The following PCBP3 variants were observed in gnomAD, a reference collection of about 807,000 sequenced individuals.
PCBP3 encodes poly(rC) binding protein 3.
In PCBP3, 25 loss-of-function variants were observed where a neutral mutation model predicts 52.7. The ratio of observed to expected loss-of-function variants is 0.47; its 90% confidence interval spans 0.35 to 0.66. PCBP3 has a LOEUF of 0.66. PCBP3 is among the 30% of genes least tolerant of loss of function. The pLI, the probability that PCBP3 is intolerant of heterozygous loss-of-function variation, is 0.01. For missense variants in PCBP3, 391 were observed against 490.3 expected (o/e 0.80, Z 1.91); for synonymous variants, 162 against 183.0 (o/e 0.89, Z 0.93).
chr21:45,912,089 G>A (rs555841843), intron 11 of PCBP3, among the ~76,000 whole-genome samples: 11 of 152,306 alleles, frequency 7.2e-5, no homozygotes, highest in South Asian at 4.1e-4. Flanking sequence ...TCTCGTCAGC[G>A]TCACCCAGTG....
chr21:45,806,670 T>C (rs2092513642), intron 4 of PCBP3, among the ~76,000 whole-genome samples: 2 of 152,000 alleles, frequency 1.3e-5, no homozygotes, highest in African/African-American at 2.4e-5. Flanking sequence ...AGCCAGGGCC[T>C]CTCTAGTGAA....
At chr21:45,932,373 C>G (rs530153377) in intron 15 of PCBP3, among the ~76,000 whole-genome samples, 14 of 152,160 alleles carry the variant, frequency 9.2e-5, no homozygotes, top group Non-Finnish European at 1.5e-5. Flanking sequence ...CTGGTCCATG[C>G]CATCCTGAGA....
chr21:45,917,708 A>G lies in PCBP3; in HGVS notation c.717+79A>G. On this transcript the variant is annotated intron_variant, in intron 13 of 17. Coordinates refer to ENST00000681687, the MANE Select transcript of PCBP3 (RefSeq NM_001384156.1). This position sits in a 1 kb window ranked among gnomAD's most constrained non-coding sequence, Gnocchi z 5.3. The stretch of plus-strand genomic sequence containing the variant: ...TACCTGCATGCTGCTGTTAATTGCT[A>G]CTAACATTAATATTACACAATAATA... 9.3e-7 allele frequency: 1 copy of G among 1,071,764 alleles called. No homozygotes were observed. Among genetic ancestry groups the G allele is most frequent in the South Asian group, 1.2e-5 (1 of 80,368 alleles). The allele number at this position is 1,071,764 out of a possible 1,614,324, so 66.4% of individuals were successfully genotyped here. A position where few individuals can be genotyped will look rare whatever the true frequency, so the allele number is the denominator to read the frequency against.
intron 5 of PCBP3, among the ~76,000 whole-genome samples, chr21:45,873,673 G>A (rs767242201): frequency 3.3e-5 from 5 of 152,206 alleles, no homozygotes; most frequent in African/African-American, 9.6e-5. Flanking sequence ...AGGGGACCAC[G>A]CGCTGGGTAC....
chr21:45,740,008 C>A (rs566059462), intron 3 of PCBP3, among the ~76,000 whole-genome samples: 1 of 152,232 alleles, frequency 6.6e-6, no homozygotes, highest in African/African-American at 2.4e-5. Context: ...AGCAGCACCC[C>A]CTTGAAGAAT....
At chr21:45,818,004 A>G (rs1380503231) in intron 4 of PCBP3, among the ~76,000 whole-genome samples, 6 of 152,124 alleles carry the variant, frequency 3.9e-5, no homozygotes, top group African/African-American at 9.7e-5. Flanking sequence ...GGTACAGTCA[A>G]TGAACCAATA....
chr21:45,771,231 A>G (rs2089838937), intron 4 of PCBP3, among the ~76,000 whole-genome samples: 1 of 152,216 alleles, frequency 6.6e-6, no homozygotes, highest in Non-Finnish European at 1.5e-5. Flanking sequence ...GTTTATGTCC[A>G]GTAGATTATG....
intron 1 of PCBP3, among the ~76,000 whole-genome samples, chr21:45,666,041 T>A (rs2080772275): frequency 6.6e-6 from 1 of 152,202 alleles, no homozygotes. Flanking sequence ...TCTCAATAGA[T>A]GCAGAAAAAG....
At chr21:45,888,717 A>G (rs2095581435) in intron 5 of PCBP3, among the ~76,000 whole-genome samples, 1 of 152,280 alleles carries the variant, frequency 6.6e-6, no homozygotes, top group East Asian at 1.9e-4. Flanking sequence ...GCTGAAATGA[A>G]TAAACATGTT....
Position 45,701,467 on chromosome 21 carries a change from T to C in PCBP3, c.-200+32515T>C, listed in dbSNP as rs142752222. ...TATTGATAGTTACATTACTTGAAAT[T>C]AACACAGATATTTTAAAATTATTCA... On this transcript the variant is annotated intron_variant, in intron 2 of 17. Coordinates refer to ENST00000681687, the MANE Select transcript of PCBP3 (RefSeq NM_001384156.1). Among the ~76,000 whole-genome samples the C allele has an allele frequency of 5.8e-3, 883 of 152,352 alleles. 9 individuals are homozygous for C. Among genetic ancestry groups the C allele is most frequent in the African/African-American group, 0.02 (852 of 41,580 alleles).
chr21:45,736,970 G>T lies in PCBP3; in HGVS notation c.-162+1541G>T, dbSNP rs1352762172. ...CAGCCCTGAGACACGGGGCATCTGCGCGAGTCTTGCTGGAGGTGCACGTGT... is the reference window on the plus strand; with the variant it reads ...CAGCCCTGAGACACGGGGCATCTGCTCGAGTCTTGCTGGAGGTGCACGTGT... On this transcript the variant is annotated intron_variant, in intron 3 of 17. Coordinates refer to ENST00000681687, the MANE Select transcript of PCBP3 (RefSeq NM_001384156.1). The surrounding 1 kb of genome is among the most constrained non-coding windows in gnomAD (Gnocchi z 4.6). Among the ~76,000 whole-genome samples the T allele has an allele frequency of 6.6e-6, 1 of 152,076 alleles. No individual in the cohort carries two copies. The highest frequency in any genetic ancestry group is 1.5e-5 in the Non-Finnish European group (1 of 68,010).
intron 11 of PCBP3, among the ~76,000 whole-genome samples, chr21:45,913,709 C>T (rs540019694): frequency 3.3e-5 from 5 of 152,322 alleles, no homozygotes; most frequent in African/African-American, 1.2e-4. Context: ...TGGCAAACTG[C>T]AGCCCAGGGC....
intron 4 of PCBP3, among the ~76,000 whole-genome samples, chr21:45,841,858 G>A (rs2093706142): frequency 6.6e-6 from 1 of 152,192 alleles, no homozygotes; most frequent in African/African-American, 2.4e-5. Context: ...GGACACTTCT[G>A]TCTCTAGAAA....
chr21:45,664,010 CTTTTTTTTTCTTTT>C (rs2080599097), intron 1 of PCBP3, among the ~76,000 whole-genome samples: 1 of 41,074 alleles, frequency 2.4e-5, no homozygotes, highest in African/African-American at 6.5e-5. Flanking sequence ...GGATGTTTTT[CTTTTTTTTTCTTTT>C]TTTTTTTTTA....
chr21:45,760,557 T>G (rs187630888), intron 4 of PCBP3: 2 of 152,272 alleles, frequency 1.3e-5, no homozygotes, highest in East Asian at 3.9e-4. Context: ...ATTAAAGAGT[T>G]TTAAGGTCCT....
intron 4 of PCBP3, among the ~76,000 whole-genome samples, chr21:45,769,509 T>C (rs1328257831): frequency 2.6e-5 from 4 of 152,260 alleles, no homozygotes; most frequent in South Asian, 2.1e-4. Context: ...GGGCGGCCCC[T>C]ACTGTGCTTT....
At chr21:45,793,968 A>G (rs1376280185) in intron 4 of PCBP3, among the ~76,000 whole-genome samples, 4 of 152,242 alleles carry the variant, frequency 2.6e-5, no homozygotes, top group Non-Finnish European at 5.9e-5. Context: ...TTTTGATTCC[A>G]CAAATAATGG....
At position 45,704,921 on chromosome 21, in the gene PCBP3, C is replaced by CCGA. The variant is rs2083354881; in HGVS notation, c.-199-30471_-199-30470insCGA. ...TGGAGATAACCAAATACCAGCTTCCCTTTGGTCTCTGGAGCCTGGTTTCTA... is the reference window on the plus strand; with the variant it reads ...TGGAGATAACCAAATACCAGCTTCCCCGATTTGGTCTCTGGAGCCTGGTTTCTA... On this transcript the variant is annotated intron_variant, in intron 2 of 17. Transcript: ENST00000681687. This position sits in a 1 kb window ranked among gnomAD's most constrained non-coding sequence, Gnocchi z 4.1. Among the ~76,000 whole-genome samples, 2 of 152,104 alleles carry CCGA rather than the reference C, an allele frequency of 1.3e-5. No homozygotes were observed. Among genetic ancestry groups the CCGA allele is most frequent in the African/African-American group, 2.4e-5 (1 of 41,374 alleles).
rs2149338492 is a variant in PCBP3, at chr21:45,917,379, C to A, written c.676-209C>A. The A allele has an allele frequency of 9.1e-6, 4 of 439,352 alleles. No individual in the cohort carries two copies. Among genetic ancestry groups the A allele is most frequent in the African/African-American group, 2.0e-5 (1 of 49,122 alleles). 27.2% of individuals were successfully genotyped at this position (439,352 alleles called of 1,614,324 possible). Reference sequence around the variant, plus strand: ...ACCCGCTGAACTGGCCAGCTCAGCTCTGCCCGCCCAGAGGAAGTGGGTGCG... The same window carrying A: ...ACCCGCTGAACTGGCCAGCTCAGCTATGCCCGCCCAGAGGAAGTGGGTGCG... On this transcript the variant is annotated intron_variant, in intron 12 of 17. Coordinates refer to ENST00000681687, the MANE Select transcript of PCBP3 (RefSeq NM_001384156.1). This position sits in a 1 kb window ranked among gnomAD's most constrained non-coding sequence, Gnocchi z 5.3.
Sources: allele counts gnomAD v4.1 joint callset (sites outside exome capture counted in the v4.1 genomes callset), GRCh38; gene constraint gnomAD v4.1.1; non-coding constraint Gnocchi (gnomAD v3.1); transcripts MANE v1.5; gene names NCBI Gene and HGNC (gene_info 2026-07-23, HGNC 2026-07-21).